The following PRP4K variants were observed in gnomAD, a reference collection of about 807,000 sequenced individuals.
The protein encoded by PRP4K is serine/threonine-protein kinase PRP4 homolog.
chr6:4,048,505 A>G, the PRP4K span, among the ~76,000 whole-genome samples: 2 of 139,008 alleles, frequency 1.4e-5, no homozygotes, highest in African/African-American at 4.9e-5. Flanking sequence ...AGAATGGTAT[A>G]ACAAATGGTA....
chr6:4,046,302 A>G, the PRP4K span, among the ~76,000 whole-genome samples: 1 of 152,150 alleles, frequency 6.6e-6, no homozygotes, highest in Non-Finnish European at 1.5e-5. Flanking sequence ...ATGTTGTTGT[A>G]CTTTTGGATG....
the PRP4K span, among the ~76,000 whole-genome samples, chr6:4,029,577 TC>T: frequency 1.3e-5 from 2 of 152,166 alleles, no homozygotes; most frequent in African/African-American, 4.8e-5. Context: ...TGTCTCGAAC[TC>T]CTGGGTTCAA....
the PRP4K span, chr6:4,021,303 A>C: frequency 6.7e-6 from 9 of 1,344,738 alleles, no homozygotes; most frequent in East Asian, 2.3e-4. Context: ...CGGACTCAGA[A>C]CCCAGCTCTT....
the PRP4K span, among the ~76,000 whole-genome samples, chr6:4,058,096 G>T: frequency 6.6e-6 from 1 of 152,014 alleles, no homozygotes; most frequent in African/African-American, 2.4e-5. Context: ...GCCTTGAACC[G>T]AACCCCTGGG....
At chr6:4,057,006 C>T in the PRP4K span, 5 of 1,512,804 alleles carry the variant, frequency 3.3e-6, no homozygotes, top group East Asian at 2.3e-5. Flanking sequence ...TCTCTATCCT[C>T]GTATATTAAA....
At chr6:4,052,520 C>T in the PRP4K span, among the ~76,000 whole-genome samples, 1 of 152,248 alleles carries the variant, frequency 6.6e-6, no homozygotes, top group Admixed American at 6.5e-5. Flanking sequence ...TGAATTTATT[C>T]AGAAACTGTG....
At chr6:4,059,590 A>G in the PRP4K span, among the ~76,000 whole-genome samples, 1,319 of 152,240 alleles carry the variant, frequency 8.7e-3, 21 homozygotes, top group African/African-American at 0.03. Flanking sequence ...TACAGTGCAA[A>G]CAGCTCATGC....
the PRP4K span, among the ~76,000 whole-genome samples, chr6:4,024,631 G>A: frequency 6.6e-6 from 1 of 151,850 alleles, no homozygotes; most frequent in African/African-American, 2.4e-5. Flanking sequence ...TTTTGAGACC[G>A]AGTCTCTGTT....
chr6:4,056,568 G>A, the PRP4K span: 1 of 1,597,880 alleles, frequency 6.3e-7, no homozygotes, highest in Non-Finnish European at 8.5e-7. Flanking sequence ...ACCATAGCAA[G>A]TTCATCCTCC....
At chr6:4,035,951 G>T in the PRP4K span, among the ~76,000 whole-genome samples, 2 of 151,858 alleles carry the variant, frequency 1.3e-5, no homozygotes, top group East Asian at 3.9e-4. Flanking sequence ...TGCAACAAGA[G>T]CAAAACTCCA....
chr6:4,022,954 C>T, the PRP4K span, among the ~76,000 whole-genome samples: 1 of 152,178 alleles, frequency 6.6e-6, no homozygotes, highest in Non-Finnish European at 1.5e-5. Flanking sequence ...TATTCACATA[C>T]TGTATTCAAA....
chr6:4,051,927 AT>A, the PRP4K span: 4 of 1,436,532 alleles, frequency 2.8e-6, no homozygotes, highest in East Asian at 9.3e-5. Context: ...TATATATTCA[AT>A]TTTACCCCAA....
the PRP4K span, among the ~76,000 whole-genome samples, chr6:4,029,897 T>G: frequency 6.6e-6 from 1 of 152,136 alleles, no homozygotes; most frequent in Non-Finnish European, 1.5e-5. Flanking sequence ...CATTAATTTC[T>G]TTGAAGGAGG....
the PRP4K span, chr6:4,037,344 A>G: frequency 6.9e-7 from 1 of 1,455,564 alleles, no homozygotes; most frequent in Non-Finnish European, 9.2e-7. Context: ...ATATAGAAAA[A>G]AATCATTTAC....
chr6:4,030,068 G>A, the PRP4K span, among the ~76,000 whole-genome samples: 1 of 151,774 alleles, frequency 6.6e-6, no homozygotes, highest in South Asian at 2.1e-4. Context: ...TCAGCCTCCC[G>A]AGTAACTGGG....
chr6:4,034,167 T>C, the PRP4K span, among the ~76,000 whole-genome samples: 1 of 152,144 alleles, frequency 6.6e-6, no homozygotes, highest in Admixed American at 6.5e-5. Flanking sequence ...ATTTTTTTTT[T>C]TAACAAAACT....
chr6:4,052,252 TTTGTTGTTGTTG>T, the PRP4K span, among the ~76,000 whole-genome samples: 46 of 151,644 alleles, frequency 3.0e-4, no homozygotes, highest in African/African-American at 8.7e-4. Context: ...ACAGCTAGTC[TTTGTTGTTGTTG>T]TTGTTGTTGT....
At chr6:4,038,975 G>A in the PRP4K span, among the ~76,000 whole-genome samples, 1 of 129,100 alleles carries the variant, frequency 7.7e-6, no homozygotes, top group Admixed American at 8.5e-5. Flanking sequence ...CTTCTATATT[G>A]TTCCACGTAT....
At chr6:4,056,881 G>C in the PRP4K span, 1 of 1,076,962 alleles carries the variant, frequency 9.3e-7, no homozygotes, top group Non-Finnish European at 1.3e-6. Context: ...TTAAGAATTA[G>C]TGGGAAAGAA....
Sources: allele counts gnomAD v4.1 joint callset (sites outside exome capture counted in the v4.1 genomes callset), GRCh38; gene constraint gnomAD v4.1.1; transcripts MANE v1.5; gene names NCBI Gene and HGNC (gene_info 2026-07-23, HGNC 2026-07-21).